AFF4: variants seen among roughly 807,000 people sequenced by gnomAD.
The protein encoded by AFF4 is ALF transcription elongation factor 4, also known as AF4/FMR2 family member 4.
AFF4 carries 13 observed loss-of-function variants against 124.8 expected under a neutral mutation model. The observed-to-expected ratio is 0.10, with a 90% CI of 0.07 to 0.17. The LOEUF is 0.17. Ranked by LOEUF, AFF4 falls within the 10% of genes least tolerant of loss-of-function variation. AFF4 has a pLI of 1.00. For missense variants in AFF4, 1,092 were observed against 1,403.8 expected, an observed-to-expected ratio of 0.78 and a Z score of 3.55; for synonymous variants, 477 against 496.1, an observed-to-expected ratio of 0.96 and a Z score of 0.51.
At chr5:132,916,700 G>C (rs1490293048) in intron 5 of AFF4, among the ~76,000 whole-genome samples, 10 of 152,084 alleles carry the variant, frequency 6.6e-5, no homozygotes, top group Admixed American at 6.6e-4. Context: ...CAGTGTCTCT[G>C]TTATTGACTT....
At chr5:132,941,444 A>G (rs935072429) in intron 1 of AFF4, among the ~76,000 whole-genome samples, 6 of 152,032 alleles carry the variant, frequency 3.9e-5, no homozygotes, top group Non-Finnish European at 5.9e-5. Flanking sequence ...AATGATTCTC[A>G]TGCCTCAGCC....
At chr5:132,930,649 C>CAAA (rs547138672) in intron 4 of AFF4, among the ~76,000 whole-genome samples, 7 of 146,812 alleles carry the variant, frequency 4.8e-5, no homozygotes, top group South Asian at 2.1e-4. Context: ...CAGGAGCTCA[C>CAAA]AAAAAAAAAT....
In AFF4 at chr5:132,899,161, A is replaced by C. The variant is rs1045117554; in HGVS notation, c.1189-20T>G. 8 of 1,608,496 alleles carry C rather than the reference A, an allele frequency of 5.0e-6. No individual in the cohort carries two copies. In the African/African-American group the frequency reaches 8.0e-5, roughly 16 times the overall value. On this transcript the variant is annotated intron_variant, in intron 8 of 20. Coordinates refer to ENST00000265343, the MANE Select transcript of AFF4 (RefSeq NM_014423.4). ...ACAATCCTAAAATTAAAACATAAGAAAGAATCTGTGAATGAATAAACAGTA... is the reference window on the plus strand; with the variant it reads ...ACAATCCTAAAATTAAAACATAAGACAGAATCTGTGAATGAATAAACAGTA...
intron 3 of AFF4, among the ~76,000 whole-genome samples, chr5:132,933,004 C>T (rs1342052410): frequency 6.6e-6 from 1 of 152,328 alleles, no homozygotes; most frequent in East Asian, 1.9e-4. Context: ...TTTTACATTA[C>T]GCAGATTCTT....
rs906477370 is a variant in AFF4, at chr5:132,897,033, A to C, written c.1597T>G (p.Ser533Ala). ...TCTGATCCCTTTTGGATGGTTTTGG[A>C]GTCTCGTCCCGGAGTAGCGGAACTC... ...ETSSATPGRD[S>A]KTIQKGSESG... The change falls in exon 11 of 21, where the codon TCC becomes GCC. Residue 533 changes from serine to alanine, a missense_variant. This residue lies in a region of AFF4 where 174 missense variants were observed against 205.9 expected (regional missense o/e 0.84). Transcript: ENST00000265343. 6.2e-7 allele frequency: 1 copy of C among 1,613,948 alleles called. No homozygotes were observed. The highest frequency in any genetic ancestry group is 1.3e-5 in the African/African-American group (1 of 74,860).
chr5:132,898,453 TC>T, intron 9 of AFF4, 61 bp from the exon 10 acceptor site: 3 of 1,459,248 alleles, frequency 2.1e-6, no homozygotes, highest in Non-Finnish European at 2.7e-6. Flanking sequence ...CAGGAAAACA[TC>T]CAAATCGACA....
At chr5:132,923,314 G>A (rs1761094394) in intron 5 of AFF4, among the ~76,000 whole-genome samples, 1 of 152,040 alleles carries the variant, frequency 6.6e-6, no homozygotes, top group African/African-American at 2.4e-5. Flanking sequence ...TCCCGCCACT[G>A]CACTGCGGCC....
chr5:132,942,494 C>T (rs552848578), intron 1 of AFF4, among the ~76,000 whole-genome samples: 13 of 144,502 alleles, frequency 9.0e-5, no homozygotes, highest in East Asian at 4.0e-4. Context: ...GACAGAGTTT[C>T]GCTCTTGTTG....
chr5:132,925,807 AC>A (rs1761157761), intron 5 of AFF4, among the ~76,000 whole-genome samples: 2 of 152,266 alleles, frequency 1.3e-5, no homozygotes, highest in African/African-American at 4.8e-5. Flanking sequence ...ACTGGCTGGT[AC>A]AAATCCTGTA....
At chr5:132,882,213 C>CAA (rs35340388) in intron 20 of AFF4, among the ~76,000 whole-genome samples, 3 of 120,288 alleles carry the variant, frequency 2.5e-5, no homozygotes, top group Admixed American at 8.3e-5. Context: ...AACCCTGTCT[C>CAA]AAAAAAAAAA....
chr5:132,908,770 A>ATTT (rs1284756501), intron 5 of AFF4, among the ~76,000 whole-genome samples: 9 of 100,858 alleles, frequency 8.9e-5, no homozygotes, highest in East Asian at 7.7e-4. Context: ...ATATATATAT[A>ATTT]TATATATTTT....
intron 5 of AFF4, among the ~76,000 whole-genome samples, chr5:132,914,572 G>C (rs1352631736): frequency 1.3e-4 from 20 of 151,846 alleles, no homozygotes; most frequent in Middle Eastern, 3.4e-3. Flanking sequence ...CTGCACTCCA[G>C]CCTGGGAGAC....
chr5:132,916,359 T>C (rs962487391), intron 5 of AFF4, among the ~76,000 whole-genome samples: 1 of 151,884 alleles, frequency 6.6e-6, no homozygotes, highest in African/African-American at 2.4e-5. Context: ...GCCCAGGAGT[T>C]TGAGACCAGC....
chr5:132,955,199 T>C (rs1005662332), intron 1 of AFF4, among the ~76,000 whole-genome samples: 13 of 152,308 alleles, frequency 8.5e-5, no homozygotes, highest in African/African-American at 3.1e-4. Flanking sequence ...CATACCACTC[T>C]GTTCCTCTGC....
In AFF4 at chr5:132,897,048, T is replaced by G. The variant is rs767985359; in HGVS notation, c.1582A>C (p.Thr528Pro). 6.2e-7 allele frequency: 1 copy of G among 1,614,156 alleles called. No homozygotes were observed. The highest frequency in any genetic ancestry group is 1.1e-5 in the South Asian group (1 of 91,088). Residue 528 changes from threonine (T) to proline (P), a missense_variant, in exon 11 of 21, where the codon ACT (threonine) becomes CCT (proline). By Grantham distance (38) the Thr-to-Pro change is conservative. Coordinates refer to ENST00000265343, the MANE Select transcript of AFF4 (RefSeq NM_014423.4). Reference protein sequence around the residue: ...TSGPKETSSATPGRDSKTIQK... With the variant: ...TSGPKETSSAPPGRDSKTIQK... ...ATGGTTTTGGAGTCTCGTCCCGGAGTAGCGGAACTCGTTTCTTTAGGTCCA... is the reference window on the plus strand; with the variant it reads ...ATGGTTTTGGAGTCTCGTCCCGGAGGAGCGGAACTCGTTTCTTTAGGTCCA...
chr5:132,916,920 G>GC (rs1760925701), intron 5 of AFF4, among the ~76,000 whole-genome samples: 2 of 150,392 alleles, frequency 1.3e-5, no homozygotes, highest in South Asian at 4.2e-4. Context: ...AACGTTTTTT[G>GC]TTTTTTTTTG....
intron 1 of AFF4, among the ~76,000 whole-genome samples, chr5:132,957,805 G>A (rs1454277055): frequency 6.6e-6 from 1 of 152,074 alleles, no homozygotes; most frequent in African/African-American, 2.4e-5. Context: ...CATATTACAT[G>A]AAACCACTGG....
chr5:132,950,158 C>T (rs1761806641), intron 1 of AFF4, among the ~76,000 whole-genome samples: 1 of 152,006 alleles, frequency 6.6e-6, no homozygotes, highest in African/African-American at 2.4e-5. Context: ...GGTGAAACCC[C>T]ATCTCAACTA....
At chr5:132,905,241 A>G (rs1208849496) in intron 5 of AFF4, among the ~76,000 whole-genome samples, 1 of 152,206 alleles carries the variant, frequency 6.6e-6, no homozygotes, top group Non-Finnish European at 1.5e-5. Context: ...GGAAGCACCA[A>G]TAGAAAGAAG....
Sources: gnomAD v4.1 joint callset for allele counts (sites outside exome capture counted in the v4.1 genomes callset) on GRCh38, gnomAD v4.1.1 for gene constraint, gnomAD v4.1.1 regional missense constraint, MANE v1.5 for transcripts, NCBI Gene and HGNC (gene_info 2026-07-23, HGNC 2026-07-21) for gene names.